Variants in ANO3 observed in about 807,000 individuals in gnomAD.
The protein encoded by ANO3 is anoctamin 3, also known as anoctamin-3.
Under a neutral mutation model 144.8 loss-of-function variants are expected in ANO3, and 99 were observed. That is an observed-to-expected ratio of 0.68 (90% CI 0.58 to 0.81). The LOEUF (loss-of-function observed/expected upper bound fraction) is 0.81. Among genes scored for constraint, ANO3 ranks in the 30% least tolerant of loss-of-function variants. The pLI is 0.00. For synonymous variants in ANO3, 414 were observed against 392.6 expected (o/e 1.05, Z -0.64); for missense variants, 905 against 1,202.2 (o/e 0.75, Z 3.66).
At chr11:26,371,311 G>T (rs1856249040) in intron 1 of ANO3, among the ~76,000 whole-genome samples, 1 of 152,224 alleles carries the variant, frequency 6.6e-6, no homozygotes, top group Non-Finnish European at 1.5e-5. Flanking sequence ...GACAATATTT[G>T]CATTTTGGGA....
chr11:26,241,605 C>T (rs1053297978), intron 1 of ANO3, among the ~76,000 whole-genome samples: 3 of 152,066 alleles, frequency 2.0e-5, no homozygotes, highest in Admixed American at 2.0e-4. Flanking sequence ...AGACTAATAA[C>T]TTCAGTACAG....
intron 4 of ANO3, among the ~76,000 whole-genome samples, chr11:26,477,269 A>G (rs1039054483): frequency 5.9e-5 from 9 of 152,128 alleles, no homozygotes; most frequent in African/African-American, 9.7e-5. Context: ...TTTAGAATGC[A>G]TAAGAATTAT....
chr11:26,254,228 G>T (rs937892704), intron 1 of ANO3, among the ~76,000 whole-genome samples: 2 of 152,110 alleles, frequency 1.3e-5, no homozygotes, highest in Non-Finnish European at 2.9e-5. Context: ...AAAGACTATA[G>T]CTGCCCCAAT....
At chr11:26,424,512 T>G (rs1290268153) in intron 1 of ANO3, among the ~76,000 whole-genome samples, 1 of 152,040 alleles carries the variant, frequency 6.6e-6, no homozygotes, top group African/African-American at 2.4e-5. Context: ...AGCATTTTAC[T>G]CTCAGTCCAA....
intron 7 of ANO3, among the ~76,000 whole-genome samples, chr11:26,529,627 T>G (rs1428995051): frequency 6.7e-6 from 1 of 149,068 alleles, no homozygotes; most frequent in Non-Finnish European, 1.5e-5. Flanking sequence ...TAGGAAAATA[T>G]TCTATCCTGC....
chr11:26,620,511 C>G (rs1174645246), intron 17 of ANO3, among the ~76,000 whole-genome samples: 2 of 151,820 alleles, frequency 1.3e-5, no homozygotes, highest in African/African-American at 4.8e-5. Flanking sequence ...AAAATTAAAA[C>G]TTTAATTCCA....
intron 1 of ANO3, among the ~76,000 whole-genome samples, chr11:26,420,975 C>T (rs976274714): frequency 1.5e-4 from 23 of 151,974 alleles, no homozygotes; most frequent in African/African-American, 5.1e-4. Context: ...TTGCAAAGAG[C>T]AGAGGCTTTG....
chr11:26,469,598 C>A (rs1859710731), intron 4 of ANO3, among the ~76,000 whole-genome samples: 1 of 151,726 alleles, frequency 6.6e-6, no homozygotes, highest in Admixed American at 6.6e-5. Flanking sequence ...GAAAAATGGC[C>A]TTTTTAAGTG....
intron 10 of ANO3, among the ~76,000 whole-genome samples, chr11:26,541,505 A>G (rs1220776169): frequency 1.3e-5 from 2 of 152,088 alleles, no homozygotes; most frequent in African/African-American, 4.8e-5. Flanking sequence ...TATTTTTTGA[A>G]TGAACACTTA....
At chr11:26,219,927 C>T (rs1215185960) in intron 1 of ANO3, among the ~76,000 whole-genome samples, 1 of 152,164 alleles carries the variant, frequency 6.6e-6, no homozygotes, top group Non-Finnish European at 1.5e-5. Flanking sequence ...TGCCACTTGG[C>T]ATGCTGAACT....
At chr11:26,318,196 G>T (rs528828398) in intron 1 of ANO3, among the ~76,000 whole-genome samples, 2 of 152,072 alleles carry the variant, frequency 1.3e-5, no homozygotes, top group Non-Finnish European at 2.9e-5. Flanking sequence ...ACCGCAGCAC[G>T]TGTATAACTA....
chr11:26,631,973 A>C (rs1852795996), intron 18 of ANO3, among the ~76,000 whole-genome samples: 1 of 152,092 alleles, frequency 6.6e-6, no homozygotes, highest in Admixed American at 6.5e-5. Context: ...TGAGGTCAGG[A>C]GTTCAAAACC....
intron 1 of ANO3, among the ~76,000 whole-genome samples, chr11:26,349,326 T>C (rs2133910142): frequency 6.6e-6 from 1 of 152,270 alleles, no homozygotes; most frequent in Admixed American, 6.5e-5. Flanking sequence ...ACAGGTAATT[T>C]AAAGTTGTTC....
At chr11:26,510,132 CAAAAAAAAAA>C (rs67543168) in intron 5 of ANO3, among the ~76,000 whole-genome samples, 2 of 46,612 alleles carry the variant, frequency 4.3e-5, no homozygotes, top group African/African-American at 1.6e-4. Flanking sequence ...GACTCCATCT[CAAAAAAAAAA>C]AAAAAAAAAA....
At chr11:26,291,179 CTT>C (rs1304917314) in intron 1 of ANO3, among the ~76,000 whole-genome samples, 2 of 152,110 alleles carry the variant, frequency 1.3e-5, no homozygotes, top group Non-Finnish European at 2.9e-5. Flanking sequence ...TTCTTTGTCT[CTT>C]TTGATCTTTT....
At chr11:26,647,562 C>A in intron 23 of ANO3, 147 bp from the exon 24 acceptor site, 1 of 616,002 alleles carries the variant, frequency 1.6e-6, no homozygotes, top group East Asian at 2.8e-5. Context: ...GCTATAATGT[C>A]TGTATTGAGA....
chr11:26,464,212 G>A (rs1031569816), intron 4 of ANO3, among the ~76,000 whole-genome samples: 2 of 151,688 alleles, frequency 1.3e-5, no homozygotes, highest in African/African-American at 4.8e-5. Context: ...CTTTATTACT[G>A]TTTGTTTGGT....
chr11:26,454,870 C>T (rs950465592), intron 3 of ANO3, among the ~76,000 whole-genome samples: 3 of 150,708 alleles, frequency 2.0e-5, no homozygotes, highest in African/African-American at 4.9e-5. Context: ...AAAAGCTTAT[C>T]CACCATGATC....
intron 1 of ANO3, among the ~76,000 whole-genome samples, chr11:26,233,319 TGTGGCCAA>T (rs1325046228): frequency 6.6e-6 from 1 of 152,022 alleles, no homozygotes; most frequent in African/African-American, 2.4e-5. Context: ...AAGACATTTA[TGTGGCCAA>T]CAAACATGAA....
Sources: allele counts gnomAD v4.1 joint callset (sites outside exome capture counted in the v4.1 genomes callset), GRCh38; gene constraint gnomAD v4.1.1; transcripts MANE v1.5; gene names NCBI Gene and HGNC (gene_info 2026-07-23, HGNC 2026-07-21).